UVSSA: variants seen among roughly 807,000 people sequenced by gnomAD.
UVSSA encodes the protein UV stimulated scaffold protein A.
A neutral mutation model predicts 73.9 loss-of-function variants in UVSSA; 72 were observed. That is an observed-to-expected ratio of 0.97 (90% CI 0.81 to 1.19). UVSSA has a LOEUF of 1.19. UVSSA is among the 50% of genes most tolerant of loss of function. The pLI is 0.00. For missense variants in UVSSA, 1,150 were observed against 965.0 expected, an observed-to-expected ratio of 1.19 and a Z score of -2.54; for synonymous variants, 454 against 391.3, an observed-to-expected ratio of 1.16 and a Z score of -1.89.
intron 7 of UVSSA, among the ~76,000 whole-genome samples, chr4:1,360,090 G>A (rs1716401237): frequency 6.6e-6 from 1 of 152,244 alleles, no homozygotes; most frequent in African/African-American, 2.4e-5. Flanking sequence ...CCCTAGGGCT[G>A]GGAAACAACC....
intron 10 of UVSSA, among the ~76,000 whole-genome samples, chr4:1,377,490 GGAA>G (rs1718919127): frequency 6.6e-6 from 1 of 152,068 alleles, no homozygotes; most frequent in South Asian, 2.1e-4. Context: ...GGAGAGGTCG[GGAA>G]GAAACAGCTG....
intron 7 of UVSSA, among the ~76,000 whole-genome samples, chr4:1,363,422 A>T (rs1716911173): frequency 6.6e-6 from 1 of 152,256 alleles, no homozygotes; most frequent in Admixed American, 6.5e-5. Flanking sequence ...AAAATTTGAT[A>T]AAAGTCCCCG....
chr4:1,346,267 C>T (rs900275358), upstream of UVSSA, among the ~76,000 whole-genome samples: 2 of 152,262 alleles, frequency 1.3e-5, no homozygotes, highest in African/African-American at 4.8e-5. Context: ...GCCCATCCCC[C>T]CGAAAAAGAA....
At chr4:1,355,346 C>T in intron 7 of UVSSA, 101 bp downstream of exon 7, 2 of 1,191,740 alleles carry the variant, frequency 1.7e-6, no homozygotes, top group Admixed American at 4.5e-5. Context: ...CCCGGCGGAC[C>T]CCAGCCACAC....
chr4:1,373,965 C>G (rs1420013023), intron 8 of UVSSA, among the ~76,000 whole-genome samples: 1 of 152,228 alleles, frequency 6.6e-6, no homozygotes, highest in African/African-American at 2.4e-5. Flanking sequence ...GTGCCCGTAG[C>G]TCCTGGGGAG....
downstream of UVSSA, chr4:1,390,413 GAGACTAC>G (rs1720385493): frequency 1.3e-5 from 2 of 152,180 alleles, no homozygotes; most frequent in Non-Finnish European, 1.5e-5. Flanking sequence ...CTGAGTAGCT[GAGACTAC>G]AGGCATGAGC....
At chr4:1,365,005 G>C (rs11734198) in intron 7 of UVSSA, among the ~76,000 whole-genome samples, 12,574 of 152,274 alleles carry the variant, frequency 0.083, 594 homozygotes, top group Non-Finnish European at 0.1. Flanking sequence ...CCTGGGCCGT[G>C]GTGGGGCTGT....
intron 7 of UVSSA, 127 bp from the exon 8 acceptor site, chr4:1,366,193 G>T: frequency 2.7e-6 from 2 of 729,374 alleles, no homozygotes; most frequent in Middle Eastern, 2.5e-4. Flanking sequence ...AACCGTGGCT[G>T]ATGTTGGAGC....
chr4:1,350,714 G>C (rs1217884836), intron 3 of UVSSA, among the ~76,000 whole-genome samples: 1 of 151,942 alleles, frequency 6.6e-6, no homozygotes, highest in South Asian at 2.1e-4. Context: ...TGGATCACCT[G>C]GTCCTGGGAG....
upstream of UVSSA, among the ~76,000 whole-genome samples, chr4:1,346,886 C>T (rs989433170): frequency 1.3e-5 from 2 of 152,312 alleles, no homozygotes; most frequent in South Asian, 4.1e-4. Flanking sequence ...TCTCGTGCGT[C>T]CCCCTCCCCA....
chr4:1,366,343 G>C lies in UVSSA; in HGVS notation c.1200G>C (p.Glu400Asp), dbSNP rs1371105645. The stretch of plus-strand genomic sequence containing the variant: ...AGACAGAAGCCCTGGGGGATGCGGA[G>C]GAAGATGAGGACGATGAGGACTTTG... ...RRRTEALGDA[E>D]EDEDDEDFVE... The change falls in exon 8 of 14, where the codon GAG becomes GAC. Residue 400 changes from glutamate (E) to aspartate (D), a missense_variant. Transcript: ENST00000389851. 1 of 1,612,676 alleles carries C rather than the reference G, an allele frequency of 6.2e-7. No individual in the cohort carries two copies. Among genetic ancestry groups the C allele is most frequent in the Non-Finnish European group, 8.5e-7 (1 of 1,179,296 alleles).
chr4:1,380,027 G>A lies in UVSSA; in HGVS notation c.1569-20G>A, dbSNP rs374951922. The A allele has an allele frequency of 8.2e-6, 13 of 1,582,796 alleles. No homozygotes were observed. In the African/African-American group the frequency reaches 1.2e-4, roughly 15 times the overall value. On this transcript the variant is annotated intron_variant, in intron 10 of 13. Transcript: ENST00000389851. ...TGGGGTCCCTGCAGATGCTATGAGG[G>A]CCTCTGGCTGTGTCTGCAGGTCTGA...
chr4:1,342,799 G>C (rs193212700), upstream of UVSSA, among the ~76,000 whole-genome samples: 139 of 152,356 alleles, frequency 9.1e-4, 2 homozygotes, highest in Admixed American at 9.0e-3. Flanking sequence ...GCTGTGTTAA[G>C]TTGGGGTTTA....
intron 4 of UVSSA, 129 bp downstream of exon 4, chr4:1,351,964 A>G: frequency 7.0e-7 from 1 of 1,430,522 alleles, no homozygotes; most frequent in South Asian, 1.4e-5. Flanking sequence ...GGTGGAGAGG[A>G]TTCAGGTCGG....
upstream of UVSSA, among the ~76,000 whole-genome samples, chr4:1,346,644 C>G (rs1377786266): frequency 2.0e-5 from 3 of 152,076 alleles, no homozygotes; most frequent in African/African-American, 7.2e-5. Context: ...CCGCGGGGTT[C>G]AGGGCGCCCT....
intron 5 of UVSSA, among the ~76,000 whole-genome samples, chr4:1,354,251 C>G (rs1238408711): frequency 1.3e-5 from 2 of 152,140 alleles, no homozygotes; most frequent in Middle Eastern, 3.2e-3. Context: ...AGAGCTCTGC[C>G]CTGCGCCGGA....
At position 1,349,934 on chromosome 4, in the gene UVSSA, C is replaced by G. The variant is rs887083163; in HGVS notation, c.429+80C>G. 5 of 1,287,102 alleles carry G rather than the reference C, an allele frequency of 3.9e-6. No individual in the cohort carries two copies. The African/African-American group carries it at 7.5e-5, about 19-fold the overall frequency. The allele number at this position is 1,287,102 out of a possible 1,614,324, so 79.7% of individuals were successfully genotyped here. A position where few individuals can be genotyped will look rare whatever the true frequency, so the allele number is the denominator to read the frequency against. On this transcript the variant is annotated intron_variant, in intron 3 of 13. Transcript: ENST00000389851. ...AGACGATACCAGGGTGAAGATGCGC[C>G]TCCTGTTGAACCTAGCACAGCAGGG...
At chr4:1,390,426 T>A (rs1720385700), downstream of UVSSA, 1 of 152,210 alleles carries the variant, frequency 6.6e-6, no homozygotes, top group African/African-American at 2.4e-5. Context: ...ACTACAGGCA[T>A]GAGCCACCAA....
At chr4:1,388,266 A>G (rs544761510), downstream of UVSSA, 15 of 152,344 alleles carry the variant, frequency 9.8e-5, no homozygotes, top group South Asian at 8.3e-4. Context: ...TTGTTTTCCA[A>G]ATTTCACTTT....
Sources: gnomAD v4.1 joint callset for allele counts (sites outside exome capture counted in the v4.1 genomes callset) on GRCh38, gnomAD v4.1.1 for gene constraint, MANE v1.5 for transcripts, NCBI Gene and HGNC (gene_info 2026-07-23, HGNC 2026-07-21) for gene names.